The following TACC2 variants were observed in gnomAD, a reference collection of about 807,000 sequenced individuals.
The protein encoded by TACC2 is transforming acidic coiled-coil containing protein 2.
A neutral mutation model predicts 227.3 loss-of-function variants in TACC2; 137 were observed. That is an observed-to-expected ratio of 0.60 (90% CI 0.52 to 0.69). The LOEUF is 0.69. Among genes scored for constraint, TACC2 ranks in the 30% least tolerant of loss-of-function variants. TACC2 has a pLI of 0.00. For missense variants in TACC2, 3,470 were observed against 3,694.4 expected (o/e 0.94, Z 1.57); for synonymous variants, 1,523 against 1,487.5 (o/e 1.02, Z -0.55).
At chr10:122,240,012 T>C (rs1347524735) in intron 18 of TACC2, among the ~76,000 whole-genome samples, 2 of 152,240 alleles carry the variant, frequency 1.3e-5, no homozygotes, top group African/African-American at 4.8e-5. Flanking sequence ...GATTCACATC[T>C]GGGCTCTGCC....
In TACC2 at chr10:122,086,973, T is replaced by C. The variant is rs143443054; in HGVS notation, c.4473T>C (p.Asp1491=). ...EAEISHLALQ[D]PASDKLLGPA... is the part of the protein sequence containing the mutation. ...AGATTTCCCATCTGGCTCTGCAAGATCCAGCTTCAGACAAGCTTCTGGGTC... is the reference window on the plus strand; with the variant it reads ...AGATTTCCCATCTGGCTCTGCAAGACCCAGCTTCAGACAAGCTTCTGGGTC... The change falls in exon 4 of 23, where the codon GAT becomes GAC. Residue 1491 remains aspartate (D), a synonymous_variant. Coordinates refer to ENST00000369005, the MANE Select transcript of TACC2 (RefSeq NM_206862.4). 8.7e-6 allele frequency: 14 copies of C among 1,613,756 alleles called. No individual in the cohort carries two copies. The highest frequency in any genetic ancestry group is 1.7e-5 in the Admixed American group (1 of 59,994).
chr10:122,027,889 G>A (rs554467691), intron 2 of TACC2, among the ~76,000 whole-genome samples: 145 of 151,404 alleles, frequency 9.6e-4, no homozygotes, highest in Admixed American at 2.9e-3. Flanking sequence ...GACTACAGGC[G>A]CCTGTCACCA....
intron 9 of TACC2, among the ~76,000 whole-genome samples, chr10:122,214,051 C>T (rs2095351162): frequency 6.6e-6 from 1 of 152,148 alleles, no homozygotes; most frequent in Admixed American, 6.5e-5. Context: ...TGTGCCTCTG[C>T]TGCTTTGCCT....
chr10:122,212,789 T>C (rs1366151176), intron 9 of TACC2, among the ~76,000 whole-genome samples: 1 of 152,198 alleles, frequency 6.6e-6, no homozygotes, highest in Non-Finnish European at 1.5e-5. Context: ...TAGTGGTGGC[T>C]GGAGGCCATC....
intron 10 of TACC2, 97 bp from the exon 11 acceptor site, chr10:122,216,530 G>A (rs2095410734): frequency 6.4e-6 from 8 of 1,242,494 alleles, no homozygotes. Flanking sequence ...TTGTGACCGG[G>A]ACCTGTCCTG....
intron 7 of TACC2, among the ~76,000 whole-genome samples, chr10:122,179,896 A>C (rs976143985): frequency 6.6e-6 from 1 of 152,088 alleles, no homozygotes. Context: ...CCTGGGTAGC[A>C]TAGGGAGCCA....
chr10:122,030,459 C>A (rs1438412921), intron 2 of TACC2, among the ~76,000 whole-genome samples: 2 of 152,148 alleles, frequency 1.3e-5, no homozygotes, highest in African/African-American at 4.8e-5. Context: ...TGTGTCACTG[C>A]ATCCTTGCAG....
At chr10:122,004,549 C>T (rs527769353) in intron 1 of TACC2, among the ~76,000 whole-genome samples, 59 of 152,208 alleles carry the variant, frequency 3.9e-4, no homozygotes, top group African/African-American at 1.4e-3. Context: ...CAGATGATTC[C>T]ACCTAGACCA....
chr10:122,061,019 A>AAGGG (rs1491511358), intron 3 of TACC2, among the ~76,000 whole-genome samples: 1 of 16,586 alleles, frequency 6.0e-5, no homozygotes, highest in Admixed American at 9.4e-4. Context: ...AAAAAAAAAA[A>AAGGG]GGGGGGGGGG....
chr10:122,154,503 C>A (rs1278457622), intron 7 of TACC2, among the ~76,000 whole-genome samples: 1 of 152,198 alleles, frequency 6.6e-6, no homozygotes, highest in Non-Finnish European at 1.5e-5. Context: ...TGTTAGGAAA[C>A]CTTGTCATGC....
Position 122,086,461 on chromosome 10 carries a change from G to A in TACC2, c.3961G>A (p.Gly1321Arg), listed in dbSNP as rs143678523. 16 of 1,613,730 alleles carry A rather than the reference G, an allele frequency of 9.9e-6. No homozygotes were observed. The highest frequency in any genetic ancestry group is 1.4e-5 in the Non-Finnish European group (16 of 1,180,042). The change falls in exon 4 of 23, where the codon GGA (glycine) becomes AGA (arginine). Residue 1321 changes from glycine (G) to arginine (R), a missense_variant. Transcript: ENST00000369005. ...TAGTCCCAAAGCCAGAACCACTGAG[G>A]GACCAGTGGACTCCATGCCATGCCT... ...SGSPKARTTE[G>R]PVDSMPCLDR...
At position 122,085,169 on chromosome 10, in the gene TACC2, A is replaced by T. The variant is rs759349202; in HGVS notation, c.2669A>T (p.His890Leu). ...CAGGAAGATAACAACTTGCCCACTC[A>T]TGGAGGACAGGAGCAGGCTTTGGGA... ...EPQEDNNLPTHGGQEQALGSE... is the reference protein window; with the variant it reads ...EPQEDNNLPTLGGQEQALGSE... The change falls in exon 4 of 23, where the codon CAT becomes CTT. Residue 890 changes from histidine (H) to leucine (L), a missense_variant. Around this residue, in one of 10 missense-constraint regions of TACC2, gnomAD observed 1,924 missense variants for 1,978.3 expected, o/e 0.97. Coordinates refer to ENST00000369005, the MANE Select transcript of TACC2 (RefSeq NM_206862.4). 3 of 1,614,168 alleles carry T rather than the reference A, an allele frequency of 1.9e-6. No individual in the cohort carries two copies. Among genetic ancestry groups the T allele is most frequent in the Non-Finnish European group, 2.5e-6 (3 of 1,180,042 alleles).
rs76709335 is a variant in TACC2, at chr10:122,196,571, C to T, written c.5971+1395C>T. On this transcript the variant is annotated intron_variant, in intron 8 of 22. Transcript: ENST00000369005. ...CATCTCTTCCTTTATTTTGTATGACCAAGCATATAAAACTGTATTTCTCGT... is the reference window on the plus strand; with the variant it reads ...CATCTCTTCCTTTATTTTGTATGACTAAGCATATAAAACTGTATTTCTCGT... Among the ~76,000 whole-genome samples the T allele has an allele frequency of 1.2e-4, 18 of 152,228 alleles. No individual in the cohort carries two copies. The East Asian group carries it at 3.5e-3, about 29-fold the overall frequency.
At chr10:122,047,715 T>C (rs2075186238) in intron 2 of TACC2, among the ~76,000 whole-genome samples, 1 of 152,194 alleles carries the variant, frequency 6.6e-6, no homozygotes, top group Admixed American at 6.5e-5. Context: ...AACACAAATA[T>C]CCATCTTTCC....
At chr10:122,112,701 G>A (rs1458209762) in intron 5 of TACC2, among the ~76,000 whole-genome samples, 2 of 152,208 alleles carry the variant, frequency 1.3e-5, no homozygotes, top group African/African-American at 2.4e-5. Context: ...GTTGCCATGC[G>A]TAGTGGGAAG....
At chr10:122,245,089 T>C (rs935099242) in intron 19 of TACC2, 29 of 152,228 alleles carry the variant, frequency 1.9e-4, no homozygotes, top group African/African-American at 6.5e-4. Context: ...TAAACGCTTT[T>C]CCCCCTAATT....
intron 7 of TACC2, among the ~76,000 whole-genome samples, chr10:122,164,193 C>A (rs1337300036): frequency 6.6e-6 from 1 of 152,218 alleles, no homozygotes; most frequent in Non-Finnish European, 1.5e-5. Context: ...TGGGCAGAAA[C>A]GATTCCCTGG....
chr10:122,219,953 G>A (rs1040326923), intron 11 of TACC2, among the ~76,000 whole-genome samples: 2 of 151,530 alleles, frequency 1.3e-5, no homozygotes, highest in African/African-American at 4.9e-5. Flanking sequence ...CAGGAGAATC[G>A]CTTGAACCCA....
At chr10:122,062,158 G>A (rs2076908361) in intron 3 of TACC2, among the ~76,000 whole-genome samples, 2 of 150,348 alleles carry the variant, frequency 1.3e-5, no homozygotes, top group South Asian at 4.2e-4. Flanking sequence ...TCAGCCTCCT[G>A]AGTAGCTGGG....
Sources: gnomAD v4.1 joint callset for allele counts (sites outside exome capture counted in the v4.1 genomes callset) on GRCh38, gnomAD v4.1.1 for gene constraint, gnomAD v4.1.1 regional missense constraint, MANE v1.5 for transcripts, NCBI Gene and HGNC (gene_info 2026-07-23, HGNC 2026-07-21) for gene names.